ST13: variants seen among roughly 807,000 people sequenced by gnomAD.
ST13 encodes ST13 Hsp70 interacting protein, also known as hsc70-interacting protein.
ST13 carries 23 observed loss-of-function variants against 56.7 expected under a neutral mutation model. The observed-to-expected ratio is 0.41, with a 90% CI of 0.29 to 0.57. The LOEUF (loss-of-function observed/expected upper bound fraction) is 0.57, where lower values mean the gene tolerates loss of function less well. Ranked by LOEUF, ST13 falls within the 20% of genes least tolerant of loss-of-function variation. The pLI is 0.36. For missense variants in ST13, 369 were observed against 459.9 expected (o/e 0.80, Z 1.81); for synonymous variants, 132 against 142.4 (o/e 0.93, Z 0.52).
chr22:40,826,450 G>A lies in ST13; in HGVS notation c.*88C>T, dbSNP rs1195967038. ...CCCAGCTCTCTTGATGAGAAGGTCA[G>A]AGGTACACTGGTTTGTATTATTGCG... On this transcript the variant is annotated 3_prime_UTR_variant, in exon 12 of 12. Transcript: ENST00000216218. The A allele has an allele frequency of 7.1e-7, 1 of 1,406,378 alleles. No homozygotes were observed. Among genetic ancestry groups the A allele is most frequent in the African/African-American group, 1.4e-5 (1 of 70,416 alleles). The allele number at this position is 1,406,378 out of a possible 1,614,324, so 87.1% of individuals were successfully genotyped here. A position where few individuals can be genotyped will look rare whatever the true frequency, so the allele number is the denominator to read the frequency against.
intron 4 of ST13, 92 bp from the exon 5 acceptor site, chr22:40,840,784 A>T: frequency 2.1e-6 from 2 of 964,654 alleles, no homozygotes; most frequent in Non-Finnish European, 3.2e-6. Context: ...CAGTCACAAT[A>T]CCCATTTTCA....
At chr22:40,838,162 A>G (rs2057786515) in intron 5 of ST13, among the ~76,000 whole-genome samples, 1 of 152,190 alleles carries the variant, frequency 6.6e-6, no homozygotes, top group South Asian at 2.1e-4. Flanking sequence ...GAAAGCAGCC[A>G]CAGTTAAGTG....
chr22:40,829,743 T>C (rs913160514), intron 9 of ST13, 69 bp from the exon 10 acceptor site: 1 of 790,484 alleles, frequency 1.3e-6, no homozygotes, highest in Admixed American at 3.5e-5. Context: ...AACCTGTCCA[T>C]GCAAGACCAT....
intron 3 of ST13, among the ~76,000 whole-genome samples, chr22:40,845,723 A>G (rs2057827475): frequency 1.3e-5 from 2 of 148,630 alleles, no homozygotes; most frequent in Non-Finnish European, 1.5e-5. Flanking sequence ...CGAGTTTTAT[A>G]TATATATACA....
At chr22:40,846,475 A>T (rs902932829) in intron 3 of ST13, among the ~76,000 whole-genome samples, 11 of 152,320 alleles carry the variant, frequency 7.2e-5, no homozygotes, top group African/African-American at 2.4e-4. Context: ...CGGTAAAAAA[A>T]TTTTAATCCA....
chr22:40,837,459 C>G (rs2057783220), intron 5 of ST13, among the ~76,000 whole-genome samples: 1 of 152,090 alleles, frequency 6.6e-6, no homozygotes, highest in South Asian at 2.1e-4. Context: ...CCAGCCTGAC[C>G]AACGTGGAGA....
intron 1 of ST13, among the ~76,000 whole-genome samples, chr22:40,853,965 C>A (rs1391855158): frequency 6.6e-6 from 1 of 152,182 alleles, no homozygotes; most frequent in Non-Finnish European, 1.5e-5. Context: ...CCTGGATCCT[C>A]ACTGACAACT....
chr22:40,826,661 T>C lies in ST13; in HGVS notation c.987A>G (p.Pro329=). The change falls in exon 12 of 12, where the codon CCA becomes CCG. Residue 329 remains proline (P), a synonymous_variant. Transcript: ENST00000216218. ...DPEVLAAMQD[P]EVMVAFQDVA... ...CATCCTGGAAAGCCACCATAACTTCTGGATCCTGAAAAGAAAGGGTTCATT... is the reference window on the plus strand; with the variant it reads ...CATCCTGGAAAGCCACCATAACTTCCGGATCCTGAAAAGAAAGGGTTCATT... 6.2e-7 allele frequency: 1 copy of C among 1,609,876 alleles called. No individual in the cohort carries two copies. Among genetic ancestry groups the C allele is most frequent in the Non-Finnish European group, 8.5e-7 (1 of 1,179,804 alleles).
intron 9 of ST13, 46 bp downstream of exon 9, chr22:40,830,794 T>C (rs757970102): frequency 5.2e-5 from 66 of 1,280,064 alleles, no homozygotes; most frequent in Admixed American, 1.7e-4. Context: ...TGCCTCTACA[T>C]AATTTGCCGT....
chr22:40,847,576 A>C (rs948986810), intron 3 of ST13, among the ~76,000 whole-genome samples: 9 of 151,776 alleles, frequency 5.9e-5, no homozygotes, highest in Non-Finnish European at 2.9e-5. Flanking sequence ...AAAAAAAAGA[A>C]AACTTTTTAA....
Position 40,845,040 on chromosome 22 carries a change from T to C in ST13, c.245-131A>G, listed in dbSNP as rs78707275. On this transcript the variant is annotated intron_variant, in intron 3 of 11. Transcript: ENST00000216218. ...TTAAGTATTGATGCATTTTAAAATA[T>C]GTTCCCATTAAACATTTCGTTACTT... 6,304 of 624,412 alleles carry C rather than the reference T, an allele frequency of 0.01. 286 individuals are homozygous for C. The African/African-American group carries it at 0.1, about 10-fold the overall frequency. 38.7% of individuals were successfully genotyped at this position (624,412 alleles called of 1,614,324 possible).
At chr22:40,844,457 AT>A (rs35518429) in intron 4 of ST13, among the ~76,000 whole-genome samples, 3,627 of 152,014 alleles carry the variant, frequency 0.024, 75 homozygotes, top group Middle Eastern at 0.037. Flanking sequence ...AATATATAGA[AT>A]TTTTTTTAAG....
At chr22:40,845,208 G>C (rs1212727151) in intron 3 of ST13, among the ~76,000 whole-genome samples, 2 of 152,000 alleles carry the variant, frequency 1.3e-5, no homozygotes, top group Non-Finnish European at 2.9e-5. Context: ...ATACACCATT[G>C]TCAACAAACT....
rs1555885168 is a variant in ST13 at position 40,826,518 on chromosome 22, C to T, written c.*20G>A. On this transcript the variant is annotated 3_prime_UTR_variant, in exon 12 of 12. Coordinates refer to ENST00000216218, the MANE Select transcript of ST13 (RefSeq NM_003932.5). ...TAGGTTGCTTTTCCTTCAGCAAGGG[C>T]TTTATTTATCAGAAGGACATTACGC... is the stretch of plus-strand genomic sequence containing the variant. The T allele has an allele frequency of 1.3e-6, 2 of 1,596,550 alleles. No individual in the cohort carries two copies. The highest frequency in any genetic ancestry group is 1.7e-6 in the Non-Finnish European group (2 of 1,179,322).
intron 3 of ST13, among the ~76,000 whole-genome samples, chr22:40,847,015 AC>A (rs1334988228): frequency 6.6e-6 from 1 of 152,000 alleles, no homozygotes; most frequent in Non-Finnish European, 1.5e-5. Context: ...CCCCAAAAAA[AC>A]AACAAAAAAA....
chr22:40,833,820 T>G (rs567661966), intron 7 of ST13, among the ~76,000 whole-genome samples: 3 of 151,640 alleles, frequency 2.0e-5, no homozygotes, highest in African/African-American at 7.3e-5. Flanking sequence ...GAGCCAAGAT[T>G]GCACCACTTC....
rs1442666672 is a variant in ST13, at chr22:40,844,900, T to C, written c.254A>G (p.Lys85Arg). ...SSEESDLEID[K>R]EGVIEPDTDA... is the part of the protein sequence containing the mutation. ...AGTGTCTGGTTCAATCACACCTTCT[T>C]TATCAATTTCTGCCAAAGTCGAGAA... Residue 85 changes from lysine to arginine, a missense_variant, in exon 4 of 12, where the codon AAA becomes AGA. Around this residue, in one of 3 missense-constraint regions of ST13, gnomAD observed 169 missense variants for 175.6 expected, o/e 0.96. Transcript: ENST00000216218. 6.2e-7 allele frequency: 1 copy of C among 1,612,830 alleles called. No individual in the cohort carries two copies. Among genetic ancestry groups the C allele is most frequent in the Non-Finnish European group, 8.5e-7 (1 of 1,179,412 alleles).
intron 1 of ST13, among the ~76,000 whole-genome samples, chr22:40,855,647 T>C (rs1157230541): frequency 2.0e-5 from 3 of 152,220 alleles, no homozygotes; most frequent in Non-Finnish European, 2.9e-5. Context: ...ACACATAAAA[T>C]GCTAATTACT....
chr22:40,850,030 G>A (rs2057853497), intron 2 of ST13, among the ~76,000 whole-genome samples: 1 of 152,056 alleles, frequency 6.6e-6, no homozygotes, highest in African/African-American at 2.4e-5. Flanking sequence ...TTGGGAGGCT[G>A]AGAGATCAGT....
Sources: allele counts gnomAD v4.1 joint callset (sites outside exome capture counted in the v4.1 genomes callset), GRCh38; gene constraint gnomAD v4.1.1; regional missense constraint gnomAD v4.1.1; transcripts MANE v1.5; gene names NCBI Gene and HGNC (gene_info 2026-07-23, HGNC 2026-07-21).